Variants in MECR observed in about 807,000 individuals in gnomAD.
The protein encoded by MECR is mitochondrial trans-2-enoyl-CoA reductase, also known as enoyl-[acyl-carrier-protein] reductase, mitochondrial.
Under a neutral mutation model 49.1 loss-of-function variants are expected in MECR, and 37 were observed. The observed-to-expected ratio is 0.75, with a 90% CI of 0.58 to 0.99. The LOEUF (loss-of-function observed/expected upper bound fraction) is 0.99. MECR is among the 50% of genes least tolerant of loss of function. MECR has a pLI of 0.00. For missense variants in MECR, 470 were observed against 479.6 expected (o/e 0.98, Z 0.19); for synonymous variants, 198 against 191.1 (o/e 1.04, Z -0.30).
the MECR span, among the ~76,000 whole-genome samples, chr1:29,184,481 C>A: frequency 1.3e-5 from 2 of 151,776 alleles, no homozygotes; most frequent in African/African-American, 4.8e-5. Flanking sequence ...TGGCTGGGTG[C>A]GGTGGTTCAC....
Position 29,219,965 on chromosome 1 carries a change from AG to A in MECR, c.177-3281del, listed in dbSNP as rs763922694. Among the ~76,000 whole-genome samples the A allele has an allele frequency of 2.0e-5, 3 of 152,304 alleles. No individual in the cohort carries two copies. In the Middle Eastern group the frequency reaches 0.01, roughly 518 times the overall value. On this transcript the variant is annotated intron_variant, in intron 1 of 9. Coordinates refer to ENST00000263702, the MANE Select transcript of MECR (RefSeq NM_016011.5). ...TTACTTATCACCTAGTTTTGCAGTCAGAATATGTGTATATGTGCTATCTCCT... is the reference window on the plus strand; with the variant it reads ...TTACTTATCACCTAGTTTTGCAGTCAAATATGTGTATATGTGCTATCTCCT...
the MECR span, chr1:29,181,552 G>T: frequency 2.7e-6 from 3 of 1,131,756 alleles, no homozygotes; most frequent in Non-Finnish European, 3.7e-6. Context: ...TAGCCGCTCC[G>T]CGCGGACCAG....
In MECR at chr1:29,193,916, G is replaced by C; in HGVS notation, c.*106C>G. 1 of 1,354,826 alleles carries C rather than the reference G, an allele frequency of 7.4e-7. No individual in the cohort carries two copies. The highest frequency in any genetic ancestry group is 1.3e-5 in the South Asian group (1 of 77,064). The allele number at this position is 1,354,826 out of a possible 1,614,324, so 83.9% of individuals were successfully genotyped here. On this transcript the variant is annotated 3_prime_UTR_variant, in exon 10 of 10. Transcript: ENST00000263702. ...CATCCTCCTAATAGGAAGAGGCAGT[G>C]AGGAGAACAGTAGTCTGGGGAAGGT...
At chr1:29,181,957 G>A in the MECR span, 326 of 401,198 alleles carry the variant, frequency 8.1e-4, 5 homozygotes, top group East Asian at 0.014. Flanking sequence ...GAAGGTAACC[G>A]GAGAGAGCGC....
At chr1:29,181,579 C>T in the MECR span, 6 of 1,363,638 alleles carry the variant, frequency 4.4e-6, no homozygotes, top group African/African-American at 1.5e-5. Context: ...CTCTCCCGTC[C>T]CCGCGGCCTC....
Position 29,192,668 on chromosome 1 carries a change from T to C in MECR, c.*1354A>G, listed in dbSNP as rs1427617128. On this transcript the variant is annotated 3_prime_UTR_variant, in exon 10 of 10. Coordinates refer to ENST00000263702, the MANE Select transcript of MECR (RefSeq NM_016011.5). Reference sequence around the variant, plus strand: ...GGGAGACACCCTGAAGCCTCTGTTCTTTGCTTTGAGCAAATGAATCGTGAA... The same window carrying C: ...GGGAGACACCCTGAAGCCTCTGTTCCTTGCTTTGAGCAAATGAATCGTGAA... Among the ~76,000 whole-genome samples, 3 of 152,196 alleles carry C rather than the reference T, an allele frequency of 2.0e-5. No individual in the cohort carries two copies. The highest frequency in any genetic ancestry group is 7.2e-5 in the African/African-American group (3 of 41,452).
At chr1:29,175,443 C>T in the MECR span, among the ~76,000 whole-genome samples, 3 of 151,404 alleles carry the variant, frequency 2.0e-5, no homozygotes, top group African/African-American at 7.3e-5. Flanking sequence ...CGCCTGTAAT[C>T]CCAGCACTTT....
downstream of MECR, among the ~76,000 whole-genome samples, chr1:29,188,775 G>C (rs1180596026): frequency 6.6e-6 from 1 of 151,364 alleles, no homozygotes; most frequent in Non-Finnish European, 1.5e-5. Flanking sequence ...GAGTAGCTGG[G>C]ATTACAGGCG....
At chr1:29,195,862 C>T (rs1018906669) in intron 9 of MECR, 79 bp downstream of exon 9, 1 of 1,448,364 alleles carries the variant, frequency 6.9e-7, no homozygotes, top group African/African-American at 1.4e-5. Flanking sequence ...CTCCAGGGCT[C>T]AGAATAGCTG....
intron 1 of MECR, among the ~76,000 whole-genome samples, chr1:29,219,015 G>A (rs1680133643): frequency 6.6e-6 from 1 of 152,122 alleles, no homozygotes; most frequent in South Asian, 2.1e-4. Flanking sequence ...ACCTGGCAGT[G>A]TGATCTAGAG....
the MECR span, among the ~76,000 whole-genome samples, chr1:29,176,437 T>C: frequency 6.7e-6 from 1 of 150,086 alleles, no homozygotes; most frequent in Non-Finnish European, 1.5e-5. Flanking sequence ...ACGGTAACGA[T>C]GAATGACAGA....
chr1:29,203,061 G>A, intron 5 of MECR, 70 bp downstream of exon 5: 1 of 1,298,780 alleles, frequency 7.7e-7, no homozygotes, highest in Non-Finnish European at 1.1e-6. Flanking sequence ...TGGACAACTG[G>A]GCACCGCAGG....
the MECR span, chr1:29,170,671 T>C: frequency 6.6e-6 from 1 of 152,232 alleles, no homozygotes; most frequent in Non-Finnish European, 1.5e-5. Flanking sequence ...GATGGATCAA[T>C]AGCTTCATTT....
rs183136314 is a variant in MECR at position 29,196,251 on chromosome 1, C to G, written c.838G>C (p.Gly280Arg). The G allele has an allele frequency of 6.2e-7, 1 of 1,612,320 alleles. No homozygotes were observed. Among genetic ancestry groups the G allele is most frequent in the Non-Finnish European group, 8.5e-7 (1 of 1,178,744 alleles). ...ATCCCCCCATAGGTTACCATGGTTC[C>G]TCCACGCCTGAAAAGTCCAAAGAGA... ...TELLRQLARG[G>R]TMVTYGGMAK... Residue 280 changes from glycine (G) to arginine (R), a missense_variant, in exon 8 of 10, where the codon GGA becomes CGA. Physicochemically the swap from Gly to Arg is moderately radical, Grantham distance 125. Coordinates refer to ENST00000263702, the MANE Select transcript of MECR (RefSeq NM_016011.5).
At chr1:29,205,682 T>G (rs917379772) in intron 4 of MECR, among the ~76,000 whole-genome samples, 2 of 151,744 alleles carry the variant, frequency 1.3e-5, no homozygotes, top group Non-Finnish European at 2.9e-5. Flanking sequence ...ATACAAAAAT[T>G]AGCCAGGCAT....
chr1:29,217,371 G>A (rs542080437), intron 1 of MECR, among the ~76,000 whole-genome samples: 35 of 147,928 alleles, frequency 2.4e-4, no homozygotes, highest in African/African-American at 8.4e-4. Context: ...CACCACGCCC[G>A]GCTAATTTTA....
intron 1 of MECR, chr1:29,223,986 C>T (rs926116457): frequency 6.6e-6 from 1 of 152,176 alleles, no homozygotes; most frequent in African/African-American, 2.4e-5. Flanking sequence ...ATTCAGGACT[C>T]ATTTTTTGGC....
chr1:29,170,082 T>G, the MECR span: 1 of 152,216 alleles, frequency 6.6e-6, no homozygotes, highest in Non-Finnish European at 1.5e-5. Flanking sequence ...AAAGTCAACA[T>G]GGCTTTCCTG....
the MECR span, among the ~76,000 whole-genome samples, chr1:29,175,754 A>T: frequency 6.6e-6 from 1 of 151,380 alleles, no homozygotes; most frequent in Non-Finnish European, 1.5e-5. Context: ...CTACTTTGAA[A>T]ATTAAGAGTG....
Sources: allele counts gnomAD v4.1 joint callset (sites outside exome capture counted in the v4.1 genomes callset), GRCh38; gene constraint gnomAD v4.1.1; transcripts MANE v1.5; gene names NCBI Gene and HGNC (gene_info 2026-07-23, HGNC 2026-07-21).